Variants in ACACA observed in about 807,000 individuals in gnomAD.
ACACA encodes acetyl-CoA carboxylase 1.
A neutral mutation model predicts 296.1 loss-of-function variants in ACACA; 103 were observed. The observed-to-expected ratio is 0.35, with a 90% CI of 0.30 to 0.41. ACACA has a LOEUF of 0.41. Among genes scored for constraint, ACACA ranks in the 10% least tolerant of loss-of-function variants. The probability of loss-of-function intolerance (pLI) is 1.00; values close to 1 mark genes in which losing one functional copy is unlikely to be tolerated. For missense variants in ACACA, 1,554 were observed against 2,989.7 expected (o/e 0.52, Z 11.20); for synonymous variants, 953 against 1,038.6 (o/e 0.92, Z 1.58).
chr17:37,297,241 A>G (rs1285157010), intron 3 of ACACA, among the ~76,000 whole-genome samples: 1 of 150,274 alleles, frequency 6.7e-6, no homozygotes, highest in East Asian at 2.1e-4. Context: ...CGAGAGTTCG[A>G]GACCAGTCTG....
At chr17:37,150,754 TA>T (rs916921929) in intron 44 of ACACA, among the ~76,000 whole-genome samples, 3 of 151,268 alleles carry the variant, frequency 2.0e-5, no homozygotes, top group Non-Finnish European at 4.4e-5. Flanking sequence ...CTCTGTCTCT[TA>T]AAAAAAAGGA....
intron 25 of ACACA, among the ~76,000 whole-genome samples, chr17:37,234,727 G>T (rs2080025837): frequency 6.6e-6 from 1 of 152,164 alleles, no homozygotes; most frequent in African/African-American, 2.4e-5. Context: ...ACAGAGTTAG[G>T]AGGTATAAGT....
chr17:37,366,316 A>G (rs1468683248), intron 1 of ACACA, among the ~76,000 whole-genome samples: 2 of 152,324 alleles, frequency 1.3e-5, no homozygotes, highest in East Asian at 3.9e-4. Context: ...TATGAAACAC[A>G]ATACATAATA....
At chr17:37,238,825 A>G (rs2080246500) in intron 24 of ACACA, among the ~76,000 whole-genome samples, 1 of 152,094 alleles carries the variant, frequency 6.6e-6, no homozygotes, top group African/African-American at 2.4e-5. Flanking sequence ...CTATTTTATC[A>G]ACTAATTAAT....
At chr17:37,208,848 G>A (rs934676839) in intron 30 of ACACA, among the ~76,000 whole-genome samples, 4 of 152,188 alleles carry the variant, frequency 2.6e-5, no homozygotes, top group Non-Finnish European at 5.9e-5. Flanking sequence ...GCAAGTTCAG[G>A]GCAAGGCAAT....
chr17:37,205,121 A>T (rs976630544), intron 33 of ACACA, among the ~76,000 whole-genome samples: 2 of 152,226 alleles, frequency 1.3e-5, no homozygotes, highest in African/African-American at 4.8e-5. Flanking sequence ...TTGGTGACTG[A>T]CCAGATACAA....
chr17:37,215,124 C>T (rs1567825799), intron 29 of ACACA, among the ~76,000 whole-genome samples: 1 of 152,166 alleles, frequency 6.6e-6, no homozygotes, highest in African/African-American at 2.4e-5. Context: ...AAAACACAGC[C>T]GACCTCTTCT....
intron 3 of ACACA, among the ~76,000 whole-genome samples, chr17:37,321,571 A>T (rs1327760979): frequency 5.3e-5 from 8 of 152,034 alleles, no homozygotes; most frequent in African/African-American, 1.5e-4. Flanking sequence ...AACACAGAGA[A>T]ACCCCGTCTC....
chr17:37,272,924 G>A (rs1253643019), intron 9 of ACACA, among the ~76,000 whole-genome samples: 2 of 151,908 alleles, frequency 1.3e-5, no homozygotes, highest in Admixed American at 1.3e-4. Context: ...GTTTGCATGT[G>A]GCTTTATCAT....
At chr17:37,380,904 T>TCTATATTCTACTAGCCCCCTA (rs1568079850) in intron 1 of ACACA, among the ~76,000 whole-genome samples, 27 of 151,648 alleles carry the variant, frequency 1.8e-4, no homozygotes, top group Middle Eastern at 3.4e-3. Context: ...CCAGGTTTTT[T>TCTATATTCTACTAGCCCCCTA]TTTTTTTTAA....
At chr17:37,327,148 C>A (rs776894528) in intron 3 of ACACA, among the ~76,000 whole-genome samples, 4 of 152,160 alleles carry the variant, frequency 2.6e-5, no homozygotes, top group Non-Finnish European at 5.9e-5. Flanking sequence ...TCAACTTAGT[C>A]TCTATTTAAC....
intron 5 of ACACA, among the ~76,000 whole-genome samples, chr17:37,278,453 C>G (rs1420459881): frequency 6.6e-6 from 1 of 152,194 alleles, no homozygotes; most frequent in Non-Finnish European, 1.5e-5. Context: ...GCCTGAATGG[C>G]TTGCAAACTG....
chr17:37,162,680 G>A, intron 41 of ACACA: 1 of 284,336 alleles, frequency 3.5e-6, no homozygotes. Flanking sequence ...ACCCCCAAAT[G>A]CCACATGCTG....
At position 37,200,663 on chromosome 17, in the gene ACACA, G is replaced by A. The variant is rs1038790278; in HGVS notation, c.4057-180C>T. 2.0e-4 allele frequency among the ~76,000 whole-genome samples: 30 copies of A among 152,168 alleles called. 1 individual carries two copies. Among genetic ancestry groups the A allele is most frequent in the Non-Finnish European group, 1.2e-4 (8 of 68,020 alleles). On this transcript the variant is annotated intron_variant, in intron 33 of 55. Coordinates refer to ENST00000616317, the MANE Select transcript of ACACA (RefSeq NM_198834.3). ...ATTTCAATCTGGCTCCTAGGACTAA[G>A]TCTTACGAAATAAATTTTATATTGA...
chr17:37,348,907 C>T (rs2048754768), intron 1 of ACACA, among the ~76,000 whole-genome samples: 1 of 149,974 alleles, frequency 6.7e-6, no homozygotes, highest in South Asian at 2.1e-4. Context: ...CGAGATCGCG[C>T]CACTGCACTC....
intron 41 of ACACA, among the ~76,000 whole-genome samples, chr17:37,178,271 G>C (rs1025427163): frequency 2.6e-5 from 4 of 152,172 alleles, no homozygotes; most frequent in Non-Finnish European, 5.9e-5. Context: ...TACTCTGAGA[G>C]AAAGGATGCC....
At chr17:37,397,489 A>C (rs988150072) in intron 1 of ACACA, among the ~76,000 whole-genome samples, 1 of 152,176 alleles carries the variant, frequency 6.6e-6, no homozygotes, top group Non-Finnish European at 1.5e-5. Context: ...AGTAAGCTTT[A>C]TTTTTATATC....
At chr17:37,355,640 G>A (rs1043678043) in intron 1 of ACACA, among the ~76,000 whole-genome samples, 24 of 151,846 alleles carry the variant, frequency 1.6e-4, no homozygotes, top group African/African-American at 4.8e-4. Flanking sequence ...CAGATTATCC[G>A]AGGTCGGGAG....
intron 3 of ACACA, among the ~76,000 whole-genome samples, chr17:37,324,843 A>G (rs2047528693): frequency 6.7e-6 from 1 of 150,286 alleles, no homozygotes; most frequent in African/African-American, 2.4e-5. Context: ...CTCAAAAAAA[A>G]AAAAAAAATT....
Sources: gnomAD v4.1 joint callset for allele counts (sites outside exome capture counted in the v4.1 genomes callset) on GRCh38, gnomAD v4.1.1 for gene constraint, MANE v1.5 for transcripts, NCBI Gene and HGNC (gene_info 2026-07-23, HGNC 2026-07-21) for gene names.